CNTN4: variants seen among roughly 807,000 people sequenced by gnomAD.
The protein encoded by CNTN4 is contactin-4.
In CNTN4, 77 loss-of-function variants were observed where a neutral mutation model predicts 122.5. The observed-to-expected ratio is 0.63, with a 90% CI of 0.52 to 0.76. The LOEUF is 0.76. CNTN4 is among the 30% of genes least tolerant of loss of function. The pLI is 0.00. For synonymous variants in CNTN4, 512 were observed against 447.0 expected (o/e 1.15, Z -1.83); for missense variants, 1,256 against 1,259.1 (o/e 1.00, Z 0.04).
At chr3:2,658,007 A>G (rs1489314042) in intron 4 of CNTN4, among the ~76,000 whole-genome samples, 1 of 148,596 alleles carries the variant, frequency 6.7e-6, no homozygotes, top group East Asian at 2.0e-4. Flanking sequence ...GGAAAGGATT[A>G]TAATAGTAAA....
At chr3:2,189,844 C>A (rs991612820) in intron 2 of CNTN4, among the ~76,000 whole-genome samples, 1 of 152,182 alleles carries the variant, frequency 6.6e-6, no homozygotes, top group Admixed American at 6.5e-5. Context: ...TCGTCAGTAG[C>A]CTTCAGCCAA....
chr3:2,300,876 C>A (rs1051336597), intron 2 of CNTN4, among the ~76,000 whole-genome samples: 5 of 151,784 alleles, frequency 3.3e-5, no homozygotes, highest in African/African-American at 1.2e-4. Flanking sequence ...GCCGATCCTT[C>A]TTTATTTTTA....
At chr3:2,799,476 T>A (rs1184664633) in intron 6 of CNTN4, among the ~76,000 whole-genome samples, 1 of 152,162 alleles carries the variant, frequency 6.6e-6, no homozygotes, top group Non-Finnish European at 1.5e-5. Context: ...GTCTTTTTTT[T>A]CTTTGAGATG....
intron 2 of CNTN4, among the ~76,000 whole-genome samples, chr3:2,183,318 A>G (rs2037101797): frequency 6.6e-6 from 1 of 152,170 alleles, no homozygotes; most frequent in African/African-American, 2.4e-5. Flanking sequence ...ACAATTTATC[A>G]TGTAGGAATG....
At chr3:2,179,658 A>C (rs563542240) in intron 2 of CNTN4, among the ~76,000 whole-genome samples, 1 of 151,738 alleles carries the variant, frequency 6.6e-6, no homozygotes, top group Non-Finnish European at 1.5e-5. Flanking sequence ...ATTTACACTC[A>C]GTGTTTTTTT....
At chr3:2,842,706 G>C (rs867780415) in intron 7 of CNTN4, among the ~76,000 whole-genome samples, 1 of 152,138 alleles carries the variant, frequency 6.6e-6, no homozygotes, top group Non-Finnish European at 1.5e-5. Flanking sequence ...TAAATTCTTA[G>C]TTCTCACAGT....
rs201162114 is a variant in CNTN4 at position 2,611,297 on chromosome 3, C to CAA, written c.55+39753_55+39754dup. On this transcript the variant is annotated intron_variant, in intron 4 of 24. Coordinates refer to ENST00000418658, the MANE Select transcript of CNTN4 (RefSeq NM_175607.3). ...CAAAAGTACTCACAGCACCTGGAACCAAAAAAAAAAAAAAAGAAAGAAAGA... is the reference window on the plus strand; with the variant it reads ...CAAAAGTACTCACAGCACCTGGAACCAAAAAAAAAAAAAAAAAGAAAGAAAGA... Among the ~76,000 whole-genome samples, 182 of 62,350 alleles carry CAA rather than the reference C, an allele frequency of 2.9e-3. 7 individuals are homozygous for CAA. Among genetic ancestry groups the CAA allele is most frequent in the Middle Eastern group, 9.4e-3 (1 of 106 alleles). 40.9% of individuals were successfully genotyped at this position (62,350 alleles called of 152,430 possible).
chr3:2,167,244 C>A (rs1383299067), intron 2 of CNTN4, among the ~76,000 whole-genome samples: 1 of 151,978 alleles, frequency 6.6e-6, no homozygotes, highest in South Asian at 2.1e-4. Flanking sequence ...ATCTGCAGCT[C>A]TTGGCATGAT....
chr3:2,314,801 C>T (rs1488910263), intron 2 of CNTN4, among the ~76,000 whole-genome samples: 2 of 151,784 alleles, frequency 1.3e-5, no homozygotes, highest in African/African-American at 4.8e-5. Flanking sequence ...ATCTCTAAAT[C>T]TAATAAGCAA....
At chr3:2,980,813 G>C (rs1282802584) in intron 13 of CNTN4, among the ~76,000 whole-genome samples, 1 of 152,172 alleles carries the variant, frequency 6.6e-6, no homozygotes, top group Non-Finnish European at 1.5e-5. Context: ...GGCGGTATCT[G>C]ATTTACATGG....
chr3:2,975,575 A>G (rs973323112), intron 13 of CNTN4, among the ~76,000 whole-genome samples: 3 of 152,170 alleles, frequency 2.0e-5, no homozygotes, highest in Non-Finnish European at 2.9e-5. Context: ...CATGCGCCCA[A>G]TACTCAACTT....
chr3:2,382,400 C>T (rs1015501963), intron 3 of CNTN4, among the ~76,000 whole-genome samples: 5 of 152,046 alleles, frequency 3.3e-5, no homozygotes, highest in African/African-American at 4.8e-5. Context: ...CATGATCCAC[C>T]CGCCTCGGCC....
At chr3:2,441,341 G>C (rs556020914) in intron 3 of CNTN4, among the ~76,000 whole-genome samples, 2 of 152,214 alleles carry the variant, frequency 1.3e-5, no homozygotes, top group African/African-American at 2.4e-5. Flanking sequence ...ATGAAGGACA[G>C]GTATCTTATT....
intron 2 of CNTN4, among the ~76,000 whole-genome samples, chr3:2,148,373 A>G (rs1018612447): frequency 6.6e-6 from 1 of 151,474 alleles, no homozygotes. Context: ...GTCTCTACAG[A>G]AAATAAAAAA....
chr3:2,980,603 T>C (rs937020827), intron 13 of CNTN4, among the ~76,000 whole-genome samples: 1 of 152,182 alleles, frequency 6.6e-6, no homozygotes, highest in African/African-American at 2.4e-5. Context: ...CGCTGTTGTC[T>C]GAGGTAATAC....
At chr3:2,769,190 A>C (rs2090982078) in intron 6 of CNTN4, among the ~76,000 whole-genome samples, 2 of 152,182 alleles carry the variant, frequency 1.3e-5, no homozygotes, top group Admixed American at 1.3e-4. Flanking sequence ...GTGGCCAGGC[A>C]CGGTGGCTCA....
At chr3:2,618,072 C>CT (rs747892386) in intron 4 of CNTN4, among the ~76,000 whole-genome samples, 10 of 152,016 alleles carry the variant, frequency 6.6e-5, no homozygotes, top group Non-Finnish European at 1.3e-4. Flanking sequence ...AGGACAGTGC[C>CT]TTAAACACTG....
chr3:2,613,372 C>G (rs2081579895), intron 4 of CNTN4, among the ~76,000 whole-genome samples: 1 of 151,956 alleles, frequency 6.6e-6, no homozygotes, highest in African/African-American at 2.4e-5. Flanking sequence ...GTGATTCAAC[C>G]ATAGACTTGT....
chr3:2,399,379 A>G (rs74795157), intron 3 of CNTN4, among the ~76,000 whole-genome samples: 1 of 152,060 alleles, frequency 6.6e-6, no homozygotes, highest in South Asian at 2.1e-4. Flanking sequence ...TATGCTTATG[A>G]TGTGGATGAA....
Sources: allele counts gnomAD v4.1 joint callset (sites outside exome capture counted in the v4.1 genomes callset), GRCh38; gene constraint gnomAD v4.1.1; transcripts MANE v1.5; gene names NCBI Gene and HGNC (gene_info 2026-07-23, HGNC 2026-07-21).